Variants in STN1 observed in about 807,000 individuals in gnomAD.
STN1 encodes the protein STN1 subunit of CST complex.
A neutral mutation model predicts 45.5 loss-of-function variants in STN1; 29 were observed. That is an observed-to-expected ratio of 0.64 (90% CI 0.47 to 0.87). The LOEUF is 0.87. STN1 is among the 40% of genes least tolerant of loss of function. STN1 has a pLI of 0.00. For synonymous variants in STN1, 148 were observed against 159.0 expected, an observed-to-expected ratio of 0.93 and a Z score of 0.52; for missense variants, 376 against 441.4, an observed-to-expected ratio of 0.85 and a Z score of 1.33.
intron 7 of STN1, among the ~76,000 whole-genome samples, chr10:103,894,840 T>C (rs1338858911): frequency 1.3e-5 from 2 of 152,088 alleles, no homozygotes; most frequent in South Asian, 4.2e-4. Flanking sequence ...TCAACATTCA[T>C]CCAGCTGTCA....
intron 7 of STN1, among the ~76,000 whole-genome samples, chr10:103,895,619 A>G (rs1458892106): frequency 1.3e-5 from 2 of 152,164 alleles, no homozygotes; most frequent in African/African-American, 2.4e-5. Flanking sequence ...GATATCCCTC[A>G]TCTCCTCGTA....
At chr10:103,908,061 G>A (rs577413176) in intron 3 of STN1, among the ~76,000 whole-genome samples, 6 of 152,064 alleles carry the variant, frequency 3.9e-5, no homozygotes, top group African/African-American at 9.7e-5. Flanking sequence ...CCCGGGAGGC[G>A]GGGGTTGCAG....
chr10:103,897,491 G>A, intron 7 of STN1, 57 bp downstream of exon 7: 1 of 1,457,092 alleles, frequency 6.9e-7, no homozygotes, highest in South Asian at 1.1e-5. Flanking sequence ...ACCCACACCT[G>A]CAGTTGCAGA....
chr10:103,887,123 C>G (rs749145511), intron 9 of STN1, among the ~76,000 whole-genome samples: 1 of 152,094 alleles, frequency 6.6e-6, no homozygotes, highest in Non-Finnish European at 1.5e-5. Context: ...AACTAAAGGC[C>G]CAGTAGGTAT....
intron 3 of STN1, 50 bp from the exon 4 acceptor site, chr10:103,905,206 G>A (rs1461297727): frequency 6.8e-7 from 1 of 1,475,180 alleles, no homozygotes; most frequent in Non-Finnish European, 9.5e-7. Context: ...CAAGGCTGGT[G>A]AATTAGCATG....
At chr10:103,892,822 C>T (rs772668856) in intron 7 of STN1, among the ~76,000 whole-genome samples, 1 of 152,200 alleles carries the variant, frequency 6.6e-6, no homozygotes, top group Non-Finnish European at 1.5e-5. Context: ...TAGAAGGGAC[C>T]TCTGCTGCTG....
At chr10:103,913,412 T>C (rs1395900868) in intron 2 of STN1, among the ~76,000 whole-genome samples, 1 of 151,386 alleles carries the variant, frequency 6.6e-6, no homozygotes, top group Non-Finnish European at 1.5e-5. Flanking sequence ...TCACTCAAGA[T>C]GAAGATGCAA....
rs973130141 is a variant in STN1 at position 103,882,273 on chromosome 10, T to G, written c.*411A>C. On this transcript the variant is annotated 3_prime_UTR_variant, in exon 10 of 10. Coordinates refer to ENST00000224950, the MANE Select transcript of STN1 (RefSeq NM_024928.5). ...TGATAACCTGAAGTTTTGAAAAGCT[T>G]AGAACTGTGTGATCAGGCCATATGC... is the stretch of plus-strand genomic sequence containing the variant. 3.9e-5 allele frequency among the ~76,000 whole-genome samples: 6 copies of G among 152,236 alleles called. No homozygotes were observed. The highest frequency in any genetic ancestry group is 2.9e-5 in the Non-Finnish European group (2 of 68,034).
At chr10:103,897,899 C>T (rs1259979269) in intron 6 of STN1, among the ~76,000 whole-genome samples, 180 bp from the exon 7 acceptor site, 2 of 151,970 alleles carry the variant, frequency 1.3e-5, no homozygotes, top group East Asian at 1.9e-4. Flanking sequence ...GGCAGAACTA[C>T]AGGAACTAAG....
chr10:103,892,583 G>GTA (rs1843146978), intron 7 of STN1, among the ~76,000 whole-genome samples: 1 of 151,680 alleles, frequency 6.6e-6, no homozygotes, highest in Admixed American at 6.6e-5. Context: ...CCAAAACACT[G>GTA]TATATATATA....
At chr10:103,915,064 C>T (rs1843321569) in intron 2 of STN1, among the ~76,000 whole-genome samples, 1 of 152,138 alleles carries the variant, frequency 6.6e-6, no homozygotes, top group Admixed American at 6.5e-5. Context: ...ATGAAGGATC[C>T]AAATCAGGGC....
At chr10:103,893,731 C>G (rs192280246) in intron 7 of STN1, among the ~76,000 whole-genome samples, 68 of 152,340 alleles carry the variant, frequency 4.5e-4, no homozygotes, top group Admixed American at 9.8e-4. Context: ...AAGTAACCTT[C>G]TCTTTCTAGA....
chr10:103,885,422 C>T (rs1344410936), intron 9 of STN1, among the ~76,000 whole-genome samples: 1 of 152,134 alleles, frequency 6.6e-6, no homozygotes, highest in East Asian at 1.9e-4. Context: ...TACAGGCATC[C>T]ATGGGGCCCA....
intron 4 of STN1, 76 bp downstream of exon 4, chr10:103,905,015 A>C (rs541115505): frequency 2.4e-6 from 3 of 1,266,062 alleles, no homozygotes; most frequent in Non-Finnish European, 3.5e-6. Flanking sequence ...TTAGCCCTAT[A>C]GCTGTTTTGA....
chr10:103,902,911 T>C lies in STN1; in HGVS notation c.295+2180A>G, dbSNP rs183780141. Among the ~76,000 whole-genome samples, 204 of 152,366 alleles carry C rather than the reference T, an allele frequency of 1.3e-3. 1 individual carries two copies. Among genetic ancestry groups the C allele is most frequent in the African/African-American group, 4.6e-3 (192 of 41,584 alleles). On this transcript the variant is annotated intron_variant, in intron 4 of 9. Transcript: ENST00000224950. ...AAAGCAATCTTAAGGCTACCTACTG[T>C]GATTGTTCATCCATTCATCTACTTA...
At chr10:103,896,274 C>T (rs1337540763) in intron 7 of STN1, among the ~76,000 whole-genome samples, 1 of 152,142 alleles carries the variant, frequency 6.6e-6, no homozygotes, top group Non-Finnish European at 1.5e-5. Flanking sequence ...GTCCTCTGCT[C>T]TCACAGAACT....
intron 2 of STN1, among the ~76,000 whole-genome samples, chr10:103,913,737 C>T (rs189212459): frequency 6.6e-5 from 10 of 152,228 alleles, no homozygotes; most frequent in Admixed American, 5.9e-4. Context: ...TGGATGGCTG[C>T]TCTGTCAACT....
At chr10:103,908,276 G>A (rs1296368221) in intron 3 of STN1, among the ~76,000 whole-genome samples, 8 of 40,662 alleles carry the variant, frequency 2.0e-4, no homozygotes, top group Non-Finnish European at 3.8e-4. Context: ...ACCAACCCCC[G>A]GACTTCCCAG....
rs1413579526 is a variant in STN1 at position 103,877,738 on chromosome 10, A to G, written c.*4946T>C. 2.0e-5 allele frequency: 3 copies of G among 152,250 alleles called. No individual in the cohort carries two copies. The highest frequency in any genetic ancestry group is 7.2e-5 in the African/African-American group (3 of 41,468). The allele number at this position is 152,250 out of a possible 1,614,324, so 9.4% of individuals were successfully genotyped here. On this transcript the variant is annotated 3_prime_UTR_variant, in exon 10 of 10. Coordinates refer to ENST00000224950, the MANE Select transcript of STN1 (RefSeq NM_024928.5). ...AGCCTCCACCAGCAGAAATCATGCA[A>G]ATAAGAACCACTGCAGAGTTCTTTG... is the stretch of plus-strand genomic sequence containing the variant.
Sources: gnomAD v4.1 joint callset for allele counts (sites outside exome capture counted in the v4.1 genomes callset) on GRCh38, gnomAD v4.1.1 for gene constraint, MANE v1.5 for transcripts, NCBI Gene and HGNC (gene_info 2026-07-23, HGNC 2026-07-21) for gene names.